Variants in ITGBL1 observed in about 807,000 individuals in gnomAD.
The protein encoded by ITGBL1 is integrin subunit beta like 1.
A neutral mutation model predicts 68.5 loss-of-function variants in ITGBL1; 51 were observed. That is an observed-to-expected ratio of 0.74 (90% CI 0.59 to 0.94). The LOEUF is 0.94. ITGBL1 is among the 40% of genes least tolerant of loss of function. ITGBL1 has a pLI of 0.00. For missense variants in ITGBL1, 649 were observed against 647.4 expected (o/e 1.00, Z -0.03); for synonymous variants, 209 against 227.3 (o/e 0.92, Z 0.72).
At chr13:101,503,541 T>A (rs2048977245) in intron 2 of ITGBL1, among the ~76,000 whole-genome samples, 2 of 152,102 alleles carry the variant, frequency 1.3e-5, no homozygotes, top group South Asian at 4.2e-4. Context: ...ATGCAGAGTT[T>A]GTTCATGGTT....
intron 2 of ITGBL1, among the ~76,000 whole-genome samples, chr13:101,499,568 T>C (rs892307393): frequency 3.3e-5 from 5 of 152,222 alleles, no homozygotes; most frequent in African/African-American, 1.2e-4. Flanking sequence ...CCTGACTCAC[T>C]TTTGGAACTG....
intron 5 of ITGBL1, among the ~76,000 whole-genome samples, chr13:101,579,661 A>G (rs981249640): frequency 6.6e-6 from 1 of 152,208 alleles, no homozygotes; most frequent in African/African-American, 2.4e-5. Flanking sequence ...CTGAATAAAC[A>G]GTTAACTTAG....
chr13:101,603,745 C>A (rs989212921), intron 7 of ITGBL1, among the ~76,000 whole-genome samples: 2 of 151,732 alleles, frequency 1.3e-5, no homozygotes, highest in Non-Finnish European at 2.9e-5. Flanking sequence ...GGGACAATTC[C>A]ATTTCAAATT....
At chr13:101,600,750 G>A (rs2030319051) in intron 7 of ITGBL1, among the ~76,000 whole-genome samples, 1 of 152,154 alleles carries the variant, frequency 6.6e-6, no homozygotes, top group African/African-American at 2.4e-5. Flanking sequence ...TTATTGATTT[G>A]CATATGTTGT....
At chr13:101,663,892 A>G (rs1308893317) in intron 7 of ITGBL1, among the ~76,000 whole-genome samples, 1 of 152,186 alleles carries the variant, frequency 6.6e-6, no homozygotes, top group East Asian at 1.9e-4. Flanking sequence ...ATTAATGTTC[A>G]AGGTGGCCTA....
intron 7 of ITGBL1, among the ~76,000 whole-genome samples, chr13:101,663,944 C>T (rs1053728993): frequency 6.6e-6 from 1 of 152,184 alleles, no homozygotes; most frequent in African/African-American, 2.4e-5. Flanking sequence ...AATGTTCTCT[C>T]TCTCTCTTGA....
rs1175834993 is a variant in ITGBL1, at chr13:101,715,731, A to G, written c.*77A>G. 10 of 904,340 alleles carry G rather than the reference A, an allele frequency of 1.1e-5. 1 individual carries two copies. Among genetic ancestry groups the G allele is most frequent in the South Asian group, 6.6e-5 (5 of 75,882 alleles). 56.0% of individuals were successfully genotyped at this position (904,340 alleles called of 1,614,324 possible). On this transcript the variant is annotated 3_prime_UTR_variant, in exon 11 of 11. Transcript: ENST00000376180. The stretch of plus-strand genomic sequence containing the variant: ...GATAAATGCGAAGGAAACCATGTAT[A>G]TTCACCACTAGGACAGGTTAAAAAG...
At chr13:101,473,503 C>G (rs1289770908) in intron 2 of ITGBL1, among the ~76,000 whole-genome samples, 3 of 152,174 alleles carry the variant, frequency 2.0e-5, no homozygotes, top group Admixed American at 6.5e-5. Context: ...GCAGTTGGAG[C>G]CTGAGTTCTG....
At chr13:101,625,843 C>T (rs1486344113) in intron 7 of ITGBL1, among the ~76,000 whole-genome samples, 5 of 152,150 alleles carry the variant, frequency 3.3e-5, no homozygotes, top group African/African-American at 9.7e-5. Context: ...CGTGAGCCAC[C>T]GCACCCGGCC....
intron 2 of ITGBL1, among the ~76,000 whole-genome samples, chr13:101,521,755 C>T (rs1374431170): frequency 6.6e-6 from 1 of 152,176 alleles, no homozygotes; most frequent in Non-Finnish European, 1.5e-5. Context: ...CATTTACAAT[C>T]CGCACAAGTA....
At chr13:101,642,259 C>G (rs982144658) in intron 7 of ITGBL1, among the ~76,000 whole-genome samples, 1 of 152,094 alleles carries the variant, frequency 6.6e-6, no homozygotes, top group Admixed American at 6.5e-5. Context: ...GCCATTCTAA[C>G]TGGTGTGAGA....
At chr13:101,473,811 G>GC (rs763761906) in intron 2 of ITGBL1, among the ~76,000 whole-genome samples, 1 of 152,124 alleles carries the variant, frequency 6.6e-6, no homozygotes, top group Non-Finnish European at 1.5e-5. Flanking sequence ...GTGTACCAGA[G>GC]CCCCCATTCG....
chr13:101,671,877 G>T (rs916143305), intron 7 of ITGBL1, among the ~76,000 whole-genome samples: 2 of 152,220 alleles, frequency 1.3e-5, no homozygotes, highest in South Asian at 2.1e-4. Context: ...ATAAGAATCT[G>T]CTTTCTTTAT....
At chr13:101,565,487 G>C (rs553100443) in intron 2 of ITGBL1, among the ~76,000 whole-genome samples, 1 of 152,082 alleles carries the variant, frequency 6.6e-6, no homozygotes, top group Non-Finnish European at 1.5e-5. Flanking sequence ...AAGGCAGATG[G>C]CCCTGTCTGA....
chr13:101,589,229 G>C (rs1312234245), intron 6 of ITGBL1, among the ~76,000 whole-genome samples: 2 of 152,112 alleles, frequency 1.3e-5, no homozygotes, highest in Admixed American at 6.6e-5. Flanking sequence ...TATTATGGTA[G>C]GCTAGAATTA....
intron 2 of ITGBL1, among the ~76,000 whole-genome samples, chr13:101,457,235 A>G (rs896956464): frequency 1.3e-5 from 2 of 152,214 alleles, no homozygotes; most frequent in African/African-American, 4.8e-5. Flanking sequence ...AGATGGGTAG[A>G]TAGATAGCTG....
At chr13:101,674,311 C>T (rs1034781956) in intron 7 of ITGBL1, among the ~76,000 whole-genome samples, 7 of 152,162 alleles carry the variant, frequency 4.6e-5, no homozygotes, top group African/African-American at 1.4e-4. Flanking sequence ...ATGTAACCCT[C>T]CTCACTTTAC....
chr13:101,663,672 G>C (rs914698346), intron 7 of ITGBL1, among the ~76,000 whole-genome samples: 2 of 152,144 alleles, frequency 1.3e-5, no homozygotes, highest in African/African-American at 4.8e-5. Flanking sequence ...ATGAGATAGT[G>C]GTTGAGGCCA....
At chr13:101,540,114 T>G (rs921779350) in intron 2 of ITGBL1, among the ~76,000 whole-genome samples, 32 of 152,166 alleles carry the variant, frequency 2.1e-4, no homozygotes, top group Non-Finnish European at 4.4e-4. Context: ...GTTTTAGACA[T>G]GAAGTCCTTG....
Sources: allele counts gnomAD v4.1 joint callset (sites outside exome capture counted in the v4.1 genomes callset), GRCh38; gene constraint gnomAD v4.1.1; transcripts MANE v1.5; gene names NCBI Gene and HGNC (gene_info 2026-07-23, HGNC 2026-07-21).